Variants in FOXP2 observed in about 807,000 individuals in gnomAD.
FOXP2 encodes the protein forkhead box P2, also known as forkhead box protein P2.
Under a neutral mutation model 115.8 loss-of-function variants are expected in FOXP2, and 12 were observed. That is an observed-to-expected ratio of 0.10 (90% CI 0.07 to 0.17). The LOEUF (loss-of-function observed/expected upper bound fraction) is 0.17. Ranked by LOEUF, FOXP2 falls within the 10% of genes least tolerant of loss-of-function variation. The pLI is 1.00. For missense variants in FOXP2, 629 were observed against 843.5 expected (o/e 0.75, Z 3.15); for synonymous variants, 328 against 297.7 (o/e 1.10, Z -1.05).
upstream of FOXP2, among the ~76,000 whole-genome samples, chr7:114,413,472 G>T (rs1379054009): frequency 6.6e-6 from 1 of 151,012 alleles, no homozygotes; most frequent in Non-Finnish European, 1.5e-5. Flanking sequence ...TTTAAATTTT[G>T]GTTTAAAAAA....
chr7:114,116,872 C>T (rs952169488), intron 1 of FOXP2, among the ~76,000 whole-genome samples: 1 of 152,128 alleles, frequency 6.6e-6, no homozygotes. Context: ...TTATGCCTTT[C>T]CACACTACCT....
chr7:114,564,485 G>A (rs1276844368), intron 3 of FOXP2, among the ~76,000 whole-genome samples: 1 of 152,066 alleles, frequency 6.6e-6, no homozygotes, highest in Non-Finnish European at 1.5e-5. Context: ...ATATTCATAG[G>A]AATGTAGGCA....
intron 2 of FOXP2, among the ~76,000 whole-genome samples, chr7:114,528,703 A>C (rs1203015029): frequency 2.0e-5 from 3 of 151,932 alleles, no homozygotes; most frequent in African/African-American, 7.2e-5. Context: ...ATACTGGTTG[A>C]AATCATAGCA....
At chr7:114,251,343 G>A (rs933400635) in intron 1 of FOXP2, among the ~76,000 whole-genome samples, 2 of 152,158 alleles carry the variant, frequency 1.3e-5, no homozygotes, top group African/African-American at 4.8e-5. Context: ...GAAAGTCATT[G>A]GTAGCTTGAT....
At chr7:114,450,403 T>C (rs17137029) in intron 2 of FOXP2, among the ~76,000 whole-genome samples, 2,383 of 152,128 alleles carry the variant, frequency 0.016, 60 homozygotes, top group African/African-American at 0.054. Context: ...GATTTTAAAA[T>C]GAATAAGAAC....
intron 1 of FOXP2, among the ~76,000 whole-genome samples, chr7:114,200,613 T>C (rs542796834): frequency 6.6e-6 from 1 of 152,286 alleles, no homozygotes; most frequent in Non-Finnish European, 1.5e-5. Flanking sequence ...GGCATACATT[T>C]CTGTTGGGTA....
intron 2 of FOXP2, among the ~76,000 whole-genome samples, chr7:114,438,753 G>A (rs761382050): frequency 9.2e-5 from 14 of 152,106 alleles, no homozygotes; most frequent in East Asian, 3.9e-4. Context: ...ATGAATTTAC[G>A]TGTTGGTTTC....
chr7:114,146,429 A>T (rs571356057), intron 1 of FOXP2, among the ~76,000 whole-genome samples: 1 of 152,322 alleles, frequency 6.6e-6, no homozygotes, highest in African/African-American at 2.4e-5. Flanking sequence ...GATTCAATGA[A>T]TGTTTATAGA....
intron 1 of FOXP2, among the ~76,000 whole-genome samples, chr7:114,235,062 G>A (rs1334399436): frequency 1.3e-5 from 2 of 151,676 alleles, no homozygotes; most frequent in Non-Finnish European, 2.9e-5. Context: ...CTTCAATGAC[G>A]GGTGAGAAAG....
At chr7:114,474,941 T>C (rs1347885771) in intron 2 of FOXP2, among the ~76,000 whole-genome samples, 1 of 152,048 alleles carries the variant, frequency 6.6e-6, no homozygotes, top group Non-Finnish European at 1.5e-5. Flanking sequence ...GTGAGGTGAT[T>C]TGAGTTCTTA....
At chr7:114,122,198 G>T (rs1037707126) in intron 1 of FOXP2, among the ~76,000 whole-genome samples, 1 of 152,014 alleles carries the variant, frequency 6.6e-6, no homozygotes, top group Non-Finnish European at 1.5e-5. Flanking sequence ...AATATGTAAG[G>T]AGTTTCTTTA....
chr7:114,112,676 T>A (rs1453402228), intron 1 of FOXP2, among the ~76,000 whole-genome samples: 1 of 152,002 alleles, frequency 6.6e-6, no homozygotes, highest in Non-Finnish European at 1.5e-5. Flanking sequence ...CAAATGCTCA[T>A]TGTCAGGAGC....
chr7:114,198,053 CG>C (rs1286945685), intron 1 of FOXP2, among the ~76,000 whole-genome samples: 1 of 151,822 alleles, frequency 6.6e-6, no homozygotes, highest in African/African-American at 2.4e-5. Context: ...TTGGTAGAGA[CG>C]GGGTTCTCCA....
At chr7:114,145,729 G>A (rs996061376) in intron 1 of FOXP2, among the ~76,000 whole-genome samples, 1 of 151,802 alleles carries the variant, frequency 6.6e-6, no homozygotes, top group Non-Finnish European at 1.5e-5. Flanking sequence ...ATACAGAATG[G>A]GTAATAACTG....
At chr7:114,442,943 G>C (rs1794673878) in intron 2 of FOXP2, among the ~76,000 whole-genome samples, 1 of 152,144 alleles carries the variant, frequency 6.6e-6, no homozygotes, top group South Asian at 2.1e-4. Flanking sequence ...AGTTAAAACA[G>C]AGTAAGAGGA....
chr7:114,553,435 C>G lies in FOXP2; in HGVS notation c.258+18729C>G, dbSNP rs142184564. ...GAATTCAGCCATTTAATGTTTACCT[C>G]TTCAGACTTCAACATCACTTAAACA... On this transcript the variant is annotated intron_variant, in intron 3 of 16. Transcript: ENST00000350908. 5.6e-3 allele frequency among the ~76,000 whole-genome samples: 859 copies of G among 152,288 alleles called. 6 individuals carry two copies. The highest frequency in any genetic ancestry group is 0.019 in the African/African-American group (796 of 41,562).
intron 1 of FOXP2, among the ~76,000 whole-genome samples, chr7:114,114,578 T>C (rs1009796227): frequency 6.6e-6 from 1 of 152,116 alleles, no homozygotes; most frequent in African/African-American, 2.4e-5. Flanking sequence ...GTTTTTTTTC[T>C]CCATTGTGCC....
chr7:114,087,201 C>T (rs1025227869), upstream of FOXP2, among the ~76,000 whole-genome samples: 1 of 152,136 alleles, frequency 6.6e-6, no homozygotes, highest in African/African-American at 2.4e-5. Context: ...CTTCAGCGTT[C>T]ATCTCAGAAG....
intron 1 of FOXP2, among the ~76,000 whole-genome samples, chr7:114,130,169 T>C (rs1231771515): frequency 6.6e-6 from 1 of 151,672 alleles, no homozygotes; most frequent in Admixed American, 6.6e-5. Flanking sequence ...AAAAATAAAA[T>C]AAAATTAGCT....
Sources: gnomAD v4.1 joint callset for allele counts (sites outside exome capture counted in the v4.1 genomes callset) on GRCh38, gnomAD v4.1.1 for gene constraint, MANE v1.5 for transcripts, NCBI Gene and HGNC (gene_info 2026-07-23, HGNC 2026-07-21) for gene names.